Variants in TMEM255A observed in about 807,000 individuals in gnomAD.
TMEM255A encodes transmembrane protein 255A.
A neutral mutation model predicts 23.5 loss-of-function variants in TMEM255A; 14 were observed. The observed-to-expected ratio is 0.60, with a 90% CI of 0.39 to 0.93. The LOEUF (loss-of-function observed/expected upper bound fraction) is 0.93. Ranked by LOEUF, TMEM255A falls within the 40% of genes least tolerant of loss-of-function variation. TMEM255A has a pLI of 0.00. For synonymous variants in TMEM255A, 104 were observed against 100.3 expected, an observed-to-expected ratio of 1.04 and a Z score of -0.22; for missense variants, 233 against 261.7, an observed-to-expected ratio of 0.89 and a Z score of 0.76.
intron 2 of TMEM255A, among the ~76,000 whole-genome samples, chrX:120,301,595 C>A (rs977021715): frequency 4.6e-5 from 5 of 109,240 alleles, no homozygotes; most frequent in Non-Finnish European, 7.6e-5. Flanking sequence ...CCCACGGATT[C>A]TTTCCCCTCA....
chrX:120,287,730 A>T (rs1257844517), intron 4 of TMEM255A, among the ~76,000 whole-genome samples: 1 of 111,630 alleles, frequency 9.0e-6, no homozygotes, highest in Non-Finnish European at 1.9e-5. Flanking sequence ...AAGCCTCAGG[A>T]GGAGGGGCAG....
intron 7 of TMEM255A, among the ~76,000 whole-genome samples, chrX:120,272,867 G>A (rs1232979671): frequency 1.9e-5 from 2 of 107,911 alleles, no homozygotes; most frequent in Non-Finnish European, 3.8e-5. Flanking sequence ...TCAGCCTCCC[G>A]AGTAGCTGGG....
At chrX:120,305,334 C>G (rs782207281) in intron 1 of TMEM255A, among the ~76,000 whole-genome samples, 1 of 109,389 alleles carries the variant, frequency 9.1e-6, no homozygotes, top group East Asian at 2.8e-4. Context: ...TTAAAGGAAC[C>G]GAGCACTGTC....
chrX:120,309,856 C>T (rs145439193), intron 1 of TMEM255A: 121 of 111,749 alleles, frequency 1.1e-3, no homozygotes, highest in African/African-American at 3.8e-3. Context: ...AGTCCTTGGC[C>T]TCATTTGTAC....
At chrX:120,255,120 A>G (rs868911341), downstream of TMEM255A, 31 of 1,210,621 alleles carry the variant, frequency 2.6e-5, no homozygotes, top group African/African-American at 3.5e-4. Context: ...GTCTTCACAT[A>G]TAAAGTCAGT....
At chrX:120,274,895 A>G (rs2057785946) in intron 7 of TMEM255A, among the ~76,000 whole-genome samples, 1 of 111,114 alleles carries the variant, frequency 9.0e-6, no homozygotes, top group Non-Finnish European at 1.9e-5. Context: ...TTTGTGCATC[A>G]AGGTATCTCT....
At chrX:120,254,673 A>G, downstream of TMEM255A, 1 of 1,212,166 alleles carries the variant, frequency 8.2e-7, no homozygotes, top group Non-Finnish European at 1.1e-6. Flanking sequence ...TACTTTAGAT[A>G]CAGCTACTGA....
chrX:120,288,516 C>T (rs1258488845), intron 4 of TMEM255A, among the ~76,000 whole-genome samples: 1 of 112,263 alleles, frequency 8.9e-6, no homozygotes, highest in Non-Finnish European at 1.9e-5. Flanking sequence ...CTTCTCACCT[C>T]CTGGTTTTGC....
chrX:120,307,826 T>C (rs1418156873), intron 1 of TMEM255A, among the ~76,000 whole-genome samples: 1 of 112,021 alleles, frequency 8.9e-6, no homozygotes, highest in Non-Finnish European at 1.9e-5. Context: ...AATCTTTTCA[T>C]TGGCCTTGCC....
At chrX:120,263,541 A>T in intron 8 of TMEM255A, among the ~76,000 whole-genome samples, 1 of 111,514 alleles carries the variant, frequency 9.0e-6, no homozygotes, top group African/African-American at 3.3e-5. Context: ...CCGTCAGGGC[A>T]TGCTTCTCTC....
chrX:120,298,536 T>C (rs2058013128), intron 2 of TMEM255A, among the ~76,000 whole-genome samples: 1 of 112,056 alleles, frequency 8.9e-6, no homozygotes, highest in African/African-American at 3.3e-5. Context: ...TGTTTTATTA[T>C]AGAAACATGA....
In TMEM255A at chrX:120,311,204, C is replaced by T. The variant is rs782051164; in HGVS notation, c.58+48G>A. ...GGCGTTCACAGTCCAGAGGCCAGGG[C>T]ACTCAACCCCTGCTGCCGCCGCCCG... On this transcript the variant is annotated intron_variant, in intron 1 of 8. Transcript: ENST00000371369. 13 of 1,076,727 alleles carry T rather than the reference C, an allele frequency of 1.2e-5. No homozygotes were observed. The East Asian group carries it at 2.6e-4, about 22-fold the overall frequency. 88.7% of individuals were successfully genotyped at this position (1,076,727 alleles called of 1,213,427 possible).
chrX:120,296,380 C>CTCTATTCTATTCTATTCTAT (rs5903573), intron 2 of TMEM255A, among the ~76,000 whole-genome samples: 8,442 of 73,990 alleles, frequency 0.11, 672 homozygotes, highest in African/African-American at 0.16. Flanking sequence ...TCCCCTTCTC[C>CTCTATTCTATTCTATTCTAT]TCTATTCTAT....
Position 120,276,954 on chromosome X carries a change from G to C in TMEM255A, c.606C>G (p.Thr202=). ...IHLYHLLWSA[T]ILNIVGLFLG... ...GGAACAGGCCAACAATGTTGAGGATGGTGGCAGACCAGAGCAGGTGGTAGA... is the reference window on the plus strand; with the variant it reads ...GGAACAGGCCAACAATGTTGAGGATCGTGGCAGACCAGAGCAGGTGGTAGA... The change falls in exon 7 of 9, where the codon ACC becomes ACG. Residue 202 remains threonine (T), a synonymous_variant. Transcript: ENST00000371369. 3.3e-6 allele frequency: 4 copies of C among 1,211,418 alleles called. No individual in the cohort carries two copies. Among genetic ancestry groups the C allele is most frequent in the Non-Finnish European group, 4.5e-6 (4 of 895,071 alleles).
chrX:120,275,862 G>GAGGT (rs2057794572), intron 7 of TMEM255A, among the ~76,000 whole-genome samples: 1 of 97,839 alleles, frequency 1.0e-5, no homozygotes, highest in African/African-American at 3.8e-5. Flanking sequence ...GTGCAATCAT[G>GAGGT]GCTTACTGCA....
chrX:120,280,240 C>T (rs2057828733), intron 6 of TMEM255A, among the ~76,000 whole-genome samples: 1 of 109,690 alleles, frequency 9.1e-6, no homozygotes, highest in Admixed American at 9.7e-5. Context: ...TCTATCCTCC[C>T]ATTTCAGGCT....
At chrX:120,297,051 A>T (rs868926097) in intron 2 of TMEM255A, among the ~76,000 whole-genome samples, 1 of 5,845 alleles carries the variant, frequency 1.7e-4, no homozygotes, top group Non-Finnish European at 2.1e-4. Flanking sequence ...TATATAATAT[A>T]ATATATATAA....
intron 2 of TMEM255A, among the ~76,000 whole-genome samples, chrX:120,300,554 ATTTTTT>A (rs368966488): frequency 1.5e-4 from 11 of 74,204 alleles, no homozygotes; most frequent in African/African-American, 5.3e-4. Context: ...GGCCAGGCTA[ATTTTTT>A]TTTTTTTTTT....
chrX:120,260,819 A>G lies in TMEM255A; in HGVS notation c.*51T>C. ...TTTGTACCCTACACACTTCCACTGA[A>G]GCAGAAATACAAAAGCCACAATAAT... On this transcript the variant is annotated 3_prime_UTR_variant, in exon 9 of 9. Transcript: ENST00000371369. 3 of 1,192,313 alleles carry G rather than the reference A, an allele frequency of 2.5e-6. No individual in the cohort carries two copies. Among genetic ancestry groups the G allele is most frequent in the Non-Finnish European group, 3.4e-6 (3 of 888,184 alleles).
Sources: gnomAD v4.1 joint callset for allele counts (sites outside exome capture counted in the v4.1 genomes callset) on GRCh38, gnomAD v4.1.1 for gene constraint, MANE v1.5 for transcripts, NCBI Gene and HGNC (gene_info 2026-07-23, HGNC 2026-07-21) for gene names.